The following PDZD2 variants were observed in gnomAD, a reference collection of about 807,000 sequenced individuals.
PDZD2 encodes the protein PDZ domain containing 2, also known as PDZ domain-containing protein 2.
PDZD2 carries 90 observed loss-of-function variants against 220.7 expected under a neutral mutation model. That is an observed-to-expected ratio of 0.41 (90% CI 0.34 to 0.49). PDZD2 has a LOEUF of 0.49. Among genes scored for constraint, PDZD2 ranks in the 20% least tolerant of loss-of-function variants. The probability of loss-of-function intolerance (pLI) is 0.28; values close to 1 mark genes in which losing one functional copy is unlikely to be tolerated. For synonymous variants in PDZD2, 1,375 were observed against 1,450.5 expected, an observed-to-expected ratio of 0.95 and a Z score of 1.18; for missense variants, 3,174 against 3,608.5, an observed-to-expected ratio of 0.88 and a Z score of 3.08.
At chr5:32,018,217 G>A (rs1753921681) in intron 6 of PDZD2, among the ~76,000 whole-genome samples, 1 of 152,186 alleles carries the variant, frequency 6.6e-6, no homozygotes, top group Admixed American at 6.5e-5. Flanking sequence ...AGGCCTCCTT[G>A]GCAGGTCTGA....
At chr5:32,096,071 CTT>C (rs1743662703) in intron 21 of PDZD2, among the ~76,000 whole-genome samples, 1 of 151,910 alleles carries the variant, frequency 6.6e-6, no homozygotes, top group African/African-American at 2.4e-5. Flanking sequence ...AATATTGTCT[CTT>C]TGCTCCCATA....
intron 10 of PDZD2, among the ~76,000 whole-genome samples, chr5:32,055,999 A>G (rs1301096396): frequency 1.3e-5 from 2 of 152,232 alleles, no homozygotes; most frequent in African/African-American, 4.8e-5. Context: ...TGATTCTCCT[A>G]AATAGCGTTT....
At chr5:31,964,882 AT>A (rs951265278) in intron 2 of PDZD2, among the ~76,000 whole-genome samples, 1 of 151,648 alleles carries the variant, frequency 6.6e-6, no homozygotes, top group Non-Finnish European at 1.5e-5. Flanking sequence ...CGCCCGGCTA[AT>A]TTTTTTGTAT....
chr5:31,796,464 A>T (rs72755473), intron 1 of PDZD2, among the ~76,000 whole-genome samples: 12,555 of 152,154 alleles, frequency 0.083, 629 homozygotes, highest in South Asian at 0.19. Flanking sequence ...CACAGGAGAT[A>T]GAATCGTTCA....
intron 1 of PDZD2, among the ~76,000 whole-genome samples, chr5:31,685,195 C>CT (rs1746804327): frequency 6.6e-6 from 1 of 151,968 alleles, no homozygotes; most frequent in Non-Finnish European, 1.5e-5. Context: ...ATTTTGCTGG[C>CT]TATTATGGTT....
chr5:31,766,455 C>T (rs1752017174), intron 1 of PDZD2, among the ~76,000 whole-genome samples: 1 of 151,924 alleles, frequency 6.6e-6, no homozygotes, highest in South Asian at 2.1e-4. Context: ...GATCATGGCT[C>T]ACTACAACCT....
chr5:31,847,344 A>T (rs1757638550), intron 2 of PDZD2: 1 of 389,724 alleles, frequency 2.6e-6, no homozygotes, highest in Non-Finnish European at 4.9e-6. Flanking sequence ...AGACGACAAG[A>T]GGGTAAAACC....
At chr5:31,826,547 G>A (rs560315800) in intron 2 of PDZD2, among the ~76,000 whole-genome samples, 9 of 151,982 alleles carry the variant, frequency 5.9e-5, no homozygotes, top group South Asian at 2.1e-4. Context: ...GTGGTGGCAC[G>A]CACCTGTATT....
At chr5:31,781,899 G>A (rs983621791) in intron 1 of PDZD2, among the ~76,000 whole-genome samples, 7 of 151,920 alleles carry the variant, frequency 4.6e-5, no homozygotes, top group Admixed American at 3.9e-4. Context: ...CAGCTGGGCT[G>A]TGAGGAGCAG....
At chr5:31,754,329 T>A (rs1751184546) in intron 1 of PDZD2, 1 of 152,064 alleles carries the variant, frequency 6.6e-6, no homozygotes. Flanking sequence ...CCATGGGCCG[T>A]CGGAGGAGAG....
chr5:31,907,531 G>A (rs1305603702), intron 2 of PDZD2, among the ~76,000 whole-genome samples: 3 of 152,100 alleles, frequency 2.0e-5, no homozygotes, highest in Non-Finnish European at 4.4e-5. Context: ...CACCCATCTG[G>A]GTTATTGTGC....
chr5:32,091,130 G>A lies in PDZD2; in HGVS notation c.7682G>A (p.Gly2561Asp). The change falls in exon 20 of 25, where the codon GGT (glycine) becomes GAT (aspartate). Residue 2561 changes from glycine to aspartate, a missense_variant. Coordinates refer to ENST00000438447, the MANE Select transcript of PDZD2 (RefSeq NM_178140.4). Reference protein sequence around the residue: ...AETPSSASDTGEAAQDLPFRR... With the variant: ...AETPSSASDTDEAAQDLPFRR... Reference sequence around the variant, plus strand: ...ACACCCAGTTCAGCCAGTGATACGGGTGAAGCTGCCCAGGATCTGCCTTTT... The same window carrying A: ...ACACCCAGTTCAGCCAGTGATACGGATGAAGCTGCCCAGGATCTGCCTTTT... The A allele has an allele frequency of 6.3e-7, 1 of 1,593,218 alleles. No individual in the cohort carries two copies. The highest frequency in any genetic ancestry group is 8.6e-7 in the Non-Finnish European group (1 of 1,163,436).
chr5:31,784,202 T>G (rs750000799), intron 1 of PDZD2, among the ~76,000 whole-genome samples: 60 of 152,316 alleles, frequency 3.9e-4, no homozygotes, highest in Non-Finnish European at 6.8e-4. Flanking sequence ...GCATCAAAAC[T>G]GCCTGTGAGT....
At chr5:31,795,542 G>A (rs938256115) in intron 1 of PDZD2, among the ~76,000 whole-genome samples, 2 of 152,194 alleles carry the variant, frequency 1.3e-5, no homozygotes, top group Non-Finnish European at 2.9e-5. Flanking sequence ...GCTCACTGTT[G>A]AGATGGATTG....
At chr5:32,030,669 A>G (rs1366322082) in intron 6 of PDZD2, among the ~76,000 whole-genome samples, 1 of 152,204 alleles carries the variant, frequency 6.6e-6, no homozygotes, top group Non-Finnish European at 1.5e-5. Flanking sequence ...ACTGTGAAAG[A>G]GATGAAATCA....
intron 6 of PDZD2, among the ~76,000 whole-genome samples, chr5:32,024,453 C>T (rs559281781): frequency 2.0e-4 from 31 of 152,012 alleles, no homozygotes; most frequent in Non-Finnish European, 3.1e-4. Context: ...GAGGCCAAGG[C>T]GGGCAGATTA....
At chr5:32,097,249 C>A in intron 21 of PDZD2, 30 bp from the exon 22 acceptor site, 1 of 1,432,502 alleles carries the variant, frequency 7.0e-7, no homozygotes, top group Non-Finnish European at 9.9e-7. Context: ...AGCTGTAGCT[C>A]AAAGGATAAT....
chr5:31,963,464 G>GCA (rs146020210), intron 2 of PDZD2, among the ~76,000 whole-genome samples: 16 of 151,972 alleles, frequency 1.1e-4, no homozygotes, highest in Non-Finnish European at 2.1e-4. Context: ...CGGGGGCTGT[G>GCA]CACACACACA....
At chr5:31,929,398 A>T (rs570401461) in intron 2 of PDZD2, among the ~76,000 whole-genome samples, 2 of 152,360 alleles carry the variant, frequency 1.3e-5, no homozygotes, top group East Asian at 3.9e-4. Context: ...GTTTAGCTGC[A>T]TCTCTGGCCT....
Sources: gnomAD v4.1 joint callset for allele counts (sites outside exome capture counted in the v4.1 genomes callset) on GRCh38, gnomAD v4.1.1 for gene constraint, MANE v1.5 for transcripts, NCBI Gene and HGNC (gene_info 2026-07-23, HGNC 2026-07-21) for gene names.